RCOR1: variants seen among roughly 807,000 people sequenced by gnomAD.
The protein encoded by RCOR1 is REST corepressor 1, also known as REST corepressor.
In RCOR1, 12 loss-of-function variants were observed where a neutral mutation model predicts 64.0. The observed-to-expected ratio is 0.19, with a 90% CI of 0.12 to 0.30. The LOEUF (loss-of-function observed/expected upper bound fraction) is 0.30, where lower values mean the gene tolerates loss of function less well. Ranked by LOEUF, RCOR1 falls within the 10% of genes least tolerant of loss-of-function variation. RCOR1 has a pLI of 1.00. For synonymous variants in RCOR1, 279 were observed against 227.2 expected, an observed-to-expected ratio of 1.23 and a Z score of -2.05; for missense variants, 502 against 621.2, an observed-to-expected ratio of 0.81 and a Z score of 2.04.
At chr14:102,669,936 C>T (rs1894998708) in intron 2 of RCOR1, among the ~76,000 whole-genome samples, 1 of 152,078 alleles carries the variant, frequency 6.6e-6, no homozygotes, top group Admixed American at 6.6e-5. Flanking sequence ...GTGGCCAGTC[C>T]ATACATTTAA....
intron 3 of RCOR1, among the ~76,000 whole-genome samples, chr14:102,686,513 CGACAAATGTATAAT>C (rs1361353524): frequency 6.6e-6 from 1 of 152,138 alleles, no homozygotes; most frequent in African/African-American, 2.4e-5. Context: ...CTGTGGATTC[CGACAAATGTATAAT>C]GACCTGTCCA....
chr14:102,685,076 G>A (rs1403628341), intron 3 of RCOR1, among the ~76,000 whole-genome samples: 1 of 151,396 alleles, frequency 6.6e-6, no homozygotes, highest in Non-Finnish European at 1.5e-5. Context: ...GTGTGTGTGT[G>A]TGTTTTTTTT....
intron 2 of RCOR1, among the ~76,000 whole-genome samples, chr14:102,638,097 A>G (rs1178391589): frequency 6.6e-6 from 1 of 152,232 alleles, no homozygotes; most frequent in Non-Finnish European, 1.5e-5. Context: ...CCTGTTTTCA[A>G]GCTAATGTGA....
At chr14:102,719,087 A>C (rs1186888149) in intron 8 of RCOR1, among the ~76,000 whole-genome samples, 1 of 151,954 alleles carries the variant, frequency 6.6e-6, no homozygotes, top group African/African-American at 2.4e-5. Context: ...CCACTGCACT[A>C]GCATAATTTT....
intron 2 of RCOR1, chr14:102,657,205 C>T: frequency 1.0e-6 from 1 of 984,984 alleles, no homozygotes; most frequent in Non-Finnish European, 1.2e-6. Context: ...AAGTGTTGTG[C>T]CTCACGGTGC....
intron 6 of RCOR1, among the ~76,000 whole-genome samples, chr14:102,709,840 C>T (rs1297953143): frequency 6.6e-6 from 1 of 152,122 alleles, no homozygotes; most frequent in Non-Finnish European, 1.5e-5. Flanking sequence ...TTAAATAATA[C>T]AGAGTGGGAT....
intron 2 of RCOR1, among the ~76,000 whole-genome samples, chr14:102,601,028 A>G (rs1343198551): frequency 2.0e-5 from 3 of 151,638 alleles, no homozygotes; most frequent in Non-Finnish European, 4.4e-5. Flanking sequence ...CTCTCTACTA[A>G]AAACACAAAA....
intron 2 of RCOR1, among the ~76,000 whole-genome samples, chr14:102,618,790 G>A (rs187350287): frequency 4.6e-5 from 7 of 152,202 alleles, no homozygotes; most frequent in Non-Finnish European, 1.0e-4. Flanking sequence ...GGTATGCCTG[G>A]GGCATAAACC....
chr14:102,648,562 G>A (rs1894520910), intron 2 of RCOR1, among the ~76,000 whole-genome samples: 2 of 152,144 alleles, frequency 1.3e-5, no homozygotes, highest in South Asian at 4.1e-4. Flanking sequence ...CCAGGATATT[G>A]TTGTTTTCAG....
At chr14:102,644,856 G>A (rs1478674742) in intron 2 of RCOR1, among the ~76,000 whole-genome samples, 1 of 152,182 alleles carries the variant, frequency 6.6e-6, no homozygotes, top group East Asian at 1.9e-4. Flanking sequence ...TCTGGTGCCT[G>A]GGAATGATTG....
chr14:102,634,177 A>G (rs1894184879), intron 2 of RCOR1, among the ~76,000 whole-genome samples: 1 of 152,104 alleles, frequency 6.6e-6, no homozygotes, highest in Non-Finnish European at 1.5e-5. Flanking sequence ...CTCAATTTGA[A>G]TGCCATGTAA....
intron 8 of RCOR1, among the ~76,000 whole-genome samples, chr14:102,718,558 CAG>C (rs1174482850): frequency 1.4e-5 from 2 of 140,492 alleles, no homozygotes; most frequent in Admixed American, 7.1e-5. Context: ...AAGTAGAAAA[CAG>C]AAAGTTCTGT....
chr14:102,714,530 A>C lies in RCOR1; in HGVS notation c.966A>C (p.Glu322Asp), dbSNP rs1274613413. Reference sequence around the variant, plus strand: ...CAAAAGGAATGTTTCTTTCTCAAGAAGATGTGGAGGCTGTTTCTGCCAATG... The same window carrying C: ...CAAAAGGAATGTTTCTTTCTCAAGACGATGTGGAGGCTGTTTCTGCCAATG... ...KPPKGMFLSQEDVEAVSANAT... is the reference protein window; with the variant it reads ...KPPKGMFLSQDDVEAVSANAT... Residue 322 changes from glutamate (E) to aspartate (D), a missense_variant, in exon 8 of 12, where the codon GAA becomes GAC. By Grantham distance (45) the Glu-to-Asp change is conservative. Coordinates refer to ENST00000262241, the MANE Select transcript of RCOR1 (RefSeq NM_015156.4). 2.5e-6 allele frequency: 4 copies of C among 1,614,118 alleles called. No homozygotes were observed. Among genetic ancestry groups the C allele is most frequent in the Non-Finnish European group, 3.4e-6 (4 of 1,179,970 alleles).
intron 2 of RCOR1, among the ~76,000 whole-genome samples, chr14:102,596,763 C>T (rs1265688264): frequency 2.0e-5 from 3 of 151,976 alleles, no homozygotes; most frequent in Admixed American, 1.3e-4. Flanking sequence ...TGCGGTTTCA[C>T]CATGTTGGCC....
intron 11 of RCOR1, among the ~76,000 whole-genome samples, chr14:102,725,287 A>T (rs1199041472): frequency 1.3e-5 from 2 of 152,224 alleles, no homozygotes; most frequent in African/African-American, 4.8e-5. Flanking sequence ...TTTTGGATGC[A>T]TGGCCCAGTT....
intron 2 of RCOR1, among the ~76,000 whole-genome samples, chr14:102,665,874 T>C (rs1232592845): frequency 6.6e-6 from 1 of 152,240 alleles, no homozygotes; most frequent in Admixed American, 6.5e-5. Flanking sequence ...TTAATAATTA[T>C]ATTAGATCAT....
At chr14:102,612,941 G>A (rs114260267) in intron 2 of RCOR1, among the ~76,000 whole-genome samples, 143 of 140,316 alleles carry the variant, frequency 1.0e-3, no homozygotes, top group African/African-American at 3.7e-3. Flanking sequence ...TGAGAGACAG[G>A]AGACAGTATC....
intron 2 of RCOR1, among the ~76,000 whole-genome samples, chr14:102,628,180 T>A (rs1894021561): frequency 6.6e-6 from 1 of 152,198 alleles, no homozygotes; most frequent in South Asian, 2.1e-4. Flanking sequence ...CTCTTCAGGC[T>A]TTCTGTGGGT....
intron 11 of RCOR1, among the ~76,000 whole-genome samples, chr14:102,723,523 T>C (rs1320631000): frequency 6.6e-6 from 1 of 152,252 alleles, no homozygotes; most frequent in Non-Finnish European, 1.5e-5. Context: ...TTATAATAAG[T>C]GTACCACGTC....
Sources: gnomAD v4.1 joint callset for allele counts (sites outside exome capture counted in the v4.1 genomes callset) on GRCh38, gnomAD v4.1.1 for gene constraint, MANE v1.5 for transcripts, NCBI Gene and HGNC (gene_info 2026-07-23, HGNC 2026-07-21) for gene names.